Variants in SLC1A6 observed in about 807,000 individuals in gnomAD.
SLC1A6 encodes the protein solute carrier family 1 member 6, also known as excitatory amino acid transporter 4.
Under a neutral mutation model 42.1 loss-of-function variants are expected in SLC1A6, and 15 were observed. The observed-to-expected ratio is 0.36, with a 90% CI of 0.24 to 0.55. The LOEUF (loss-of-function observed/expected upper bound fraction) is 0.55, where lower values mean the gene tolerates loss of function less well. SLC1A6 is among the 20% of genes least tolerant of loss of function. SLC1A6 has a pLI of 0.88. For missense variants in SLC1A6, 542 were observed against 772.5 expected (o/e 0.70, Z 3.54); for synonymous variants, 317 against 319.7 (o/e 0.99, Z 0.09).
At chr19:14,954,801 G>T (rs957272253) in intron 7 of SLC1A6, among the ~76,000 whole-genome samples, 1 of 152,164 alleles carries the variant, frequency 6.6e-6, no homozygotes, top group Non-Finnish European at 1.5e-5. Context: ...AGCAATGAGG[G>T]TCTCCCAAGC....
intron 6 of SLC1A6, among the ~76,000 whole-genome samples, chr19:14,959,783 T>C (rs2045493213): frequency 1.3e-5 from 2 of 152,238 alleles, no homozygotes; most frequent in South Asian, 4.1e-4. Flanking sequence ...CACTGTCCAG[T>C]TGAAGTCCTA....
chr19:14,988,876 G>T (rs2045805205), intron 1 of SLC1A6, among the ~76,000 whole-genome samples: 1 of 151,978 alleles, frequency 6.6e-6, no homozygotes. Flanking sequence ...ATAATTACCT[G>T]GGTGTGGTGG....
intron 3 of SLC1A6, among the ~76,000 whole-genome samples, chr19:14,970,364 C>G (rs930575082): frequency 6.6e-6 from 1 of 152,148 alleles, no homozygotes; most frequent in Admixed American, 6.5e-5. Flanking sequence ...AGTCACCTCA[C>G]CTGGCCTGAT....
chr19:14,980,145 C>T (rs1486614645), upstream of SLC1A6: 2 of 152,366 alleles, frequency 1.3e-5, no homozygotes, highest in African/African-American at 2.4e-5. Context: ...GCCTTGGCCA[C>T]TTGGCTGCTG....
intron 1 of SLC1A6, chr19:14,977,092 C>T (rs1013247089): frequency 6.6e-6 from 1 of 151,772 alleles, no homozygotes; most frequent in Non-Finnish European, 1.5e-5. Context: ...CACAGGGAAT[C>T]CCTCTGGGAT....
intron 8 of SLC1A6, 145 bp downstream of exon 8, chr19:14,953,990 T>C: frequency 1.4e-6 from 1 of 693,820 alleles, no homozygotes; most frequent in Non-Finnish European, 2.4e-6. Context: ...CATCCGGCAT[T>C]GGGCTCTTCC....
At chr19:14,983,559 G>A (rs111241469), upstream of SLC1A6, among the ~76,000 whole-genome samples, 5 of 151,802 alleles carry the variant, frequency 3.3e-5, no homozygotes, top group South Asian at 2.1e-4. Flanking sequence ...TATGGGGGGC[G>A]TGCCTGTGGT....
In SLC1A6 at chr19:14,972,829, CCTGCAGCCG is replaced by C. The variant is rs771789111; in HGVS notation, c.73_81del (p.Arg25_Gln27del). 1.6e-4 allele frequency: 263 copies of C among 1,607,348 alleles called. No homozygotes were observed. The highest frequency in any genetic ancestry group is 2.2e-4 in the Non-Finnish European group (256 of 1,177,772). On this transcript the variant is annotated inframe_deletion, in exon 2 of 10. Transcript: ENST00000594383. The stretch of plus-strand genomic sequence containing the variant: ...CGCAGTGCTCTCTGCTGCAGGCTTT[CCTGCAGCCG>C]CTGCAGCCAGCCCACCCGGCCCAGC...
chr19:14,987,459 C>G (rs1338594778), intron 1 of SLC1A6, among the ~76,000 whole-genome samples: 1 of 151,404 alleles, frequency 6.6e-6, no homozygotes, highest in Non-Finnish European at 1.5e-5. Flanking sequence ...CAGAGCAAGA[C>G]TCTGTCTCGG....
At chr19:14,956,803 C>T (rs996852180) in intron 6 of SLC1A6, 94 bp from the exon 7 acceptor site, 2 of 760,280 alleles carry the variant, frequency 2.6e-6, no homozygotes, top group Admixed American at 2.6e-5. Context: ...CATATAGGGC[C>T]CTGGAGCCAC....
chr19:15,006,423 TC>T (rs1281793854), intron 1 of SLC1A6, among the ~76,000 whole-genome samples: 8 of 152,108 alleles, frequency 5.3e-5, no homozygotes, highest in Admixed American at 2.0e-4. Context: ...AACCCCATAT[TC>T]CCAAGCCTCC....
upstream of SLC1A6, among the ~76,000 whole-genome samples, chr19:14,984,128 G>A (rs1410764999): frequency 6.6e-6 from 1 of 152,024 alleles, no homozygotes; most frequent in Non-Finnish European, 1.5e-5. Context: ...TGACAAATAT[G>A]GAGAAACCCC....
At chr19:14,979,930 T>C (rs1294508807), upstream of SLC1A6, 1 of 151,830 alleles carries the variant, frequency 6.6e-6, no homozygotes, top group African/African-American at 2.4e-5. This position sits in a 1 kb window ranked among gnomAD's most constrained non-coding sequence, Gnocchi z 4.2. Flanking sequence ...GAGCCGCGCC[T>C]CCGCGCCCCC....
In SLC1A6 at chr19:14,979,062, A is replaced by T. The variant is rs1415061505; in HGVS notation, c.-8+247T>A. On this transcript the variant is annotated intron_variant, in intron 1 of 9. Transcript: ENST00000594383. The surrounding 1 kb of genome is among the most constrained non-coding windows in gnomAD (Gnocchi z 4.2). ...CTCTCTCTCTCTGTCACACACACAC[A>T]CACACACACACACACACACACACAC... Among the ~76,000 whole-genome samples, 3 of 96,164 alleles carry T rather than the reference A, an allele frequency of 3.1e-5. No individual in the cohort carries two copies. The highest frequency in any genetic ancestry group is 2.9e-4 in the East Asian group (1 of 3,476). The allele number at this position is 96,164 out of a possible 152,430, so 63.1% of individuals were successfully genotyped here.
intron 4 of SLC1A6, among the ~76,000 whole-genome samples, chr19:14,966,875 G>T (rs529852056): frequency 2.6e-5 from 4 of 151,980 alleles, no homozygotes; most frequent in African/African-American, 9.7e-5. Context: ...GGGGCCTTTT[G>T]GGGGCTGTGG....
intron 1 of SLC1A6, among the ~76,000 whole-genome samples, chr19:15,008,272 G>A (rs1273232888): frequency 6.6e-6 from 1 of 151,990 alleles, no homozygotes; most frequent in East Asian, 1.9e-4. Flanking sequence ...TTGATATCAG[G>A]AGTTGGAGGC....
chr19:14,977,129 G>A (rs192265934), intron 1 of SLC1A6: 2 of 152,020 alleles, frequency 1.3e-5, no homozygotes, highest in East Asian at 3.9e-4. Flanking sequence ...CTAAGCCACA[G>A]CAGGAAGTTG....
chr19:14,972,983 C>A (rs8103212), intron 1 of SLC1A6, 66 bp from the exon 2 acceptor site: 2 of 1,285,128 alleles, frequency 1.6e-6, no homozygotes, highest in African/African-American at 3.0e-5. Context: ...GGGCAGATGG[C>A]GAAGGCTGCG....
In SLC1A6 at chr19:14,972,700, G is replaced by T; in HGVS notation, c.205+6C>A. On this transcript the variant is annotated splice_donor_region_variant and intron_variant, in intron 2 of 9. Transcript: ENST00000594383. ...AAGTCCCCGCCCTCCAAGAGGCAGA[G>T]CTCACCAATGACCACGGCGCTGACC... The T allele has an allele frequency of 6.2e-7, 1 of 1,613,006 alleles. No homozygotes were observed. The highest frequency in any genetic ancestry group is 8.5e-7 in the Non-Finnish European group (1 of 1,179,268).
Sources: gnomAD v4.1 joint callset for allele counts (sites outside exome capture counted in the v4.1 genomes callset) on GRCh38, gnomAD v4.1.1 for gene constraint, Gnocchi (gnomAD v3.1) non-coding constraint, MANE v1.5 for transcripts, NCBI Gene and HGNC (gene_info 2026-07-23, HGNC 2026-07-21) for gene names.